The following ADARB2 variants were observed in gnomAD, a reference collection of about 807,000 sequenced individuals.
ADARB2 encodes the protein adenosine deaminase RNA specific B2 (inactive), also known as inactive double-stranded RNA-specific editase B2.
A neutral mutation model predicts 62.2 loss-of-function variants in ADARB2; 25 were observed. The ratio of observed to expected loss-of-function variants is 0.40; its 90% CI spans 0.29 to 0.56. The LOEUF (loss-of-function observed/expected upper bound fraction) is 0.56. Ranked by LOEUF, ADARB2 falls within the 20% of genes least tolerant of loss-of-function variation. The pLI, the probability that ADARB2 is intolerant of heterozygous loss-of-function variation, is 0.43. For missense variants in ADARB2, 1,071 were observed against 1,077.4 expected, an observed-to-expected ratio of 0.99 and a Z score of 0.08; for synonymous variants, 572 against 500.8, an observed-to-expected ratio of 1.14 and a Z score of -1.90.
At chr10:1,376,757 G>A (rs528733279) in intron 2 of ADARB2, among the ~76,000 whole-genome samples, 2 of 151,818 alleles carry the variant, frequency 1.3e-5, no homozygotes, top group African/African-American at 2.4e-5. Flanking sequence ...AGGGAGACCA[G>A]CTCCAGCCGG....
At chr10:1,680,874 C>A (rs989572423) in intron 1 of ADARB2, among the ~76,000 whole-genome samples, 2 of 152,208 alleles carry the variant, frequency 1.3e-5, no homozygotes, top group Non-Finnish European at 2.9e-5. Flanking sequence ...CTTTTATAGT[C>A]TACGAAGGCT....
chr10:1,322,638 T>C (rs1340406361), intron 3 of ADARB2, among the ~76,000 whole-genome samples: 1 of 152,036 alleles, frequency 6.6e-6, no homozygotes, highest in African/African-American at 2.4e-5. Flanking sequence ...AAATGGAAAA[T>C]TGACAGATCA....
chr10:1,231,348 C>T (rs1830802316), intron 6 of ADARB2, among the ~76,000 whole-genome samples: 1 of 152,164 alleles, frequency 6.6e-6, no homozygotes, highest in African/African-American at 2.4e-5. Flanking sequence ...CACAAAATTC[C>T]CAATAGCTGT....
intron 5 of ADARB2, among the ~76,000 whole-genome samples, chr10:1,240,743 C>T (rs1293583137): frequency 6.6e-6 from 1 of 152,246 alleles, no homozygotes; most frequent in Non-Finnish European, 1.5e-5. Context: ...CAGCACCAAG[C>T]ATGTAACCAG....
intron 3 of ADARB2, among the ~76,000 whole-genome samples, chr10:1,324,307 C>G (rs1047316396): frequency 6.6e-6 from 1 of 152,162 alleles, no homozygotes; most frequent in Non-Finnish European, 1.5e-5. Flanking sequence ...AGAGGTGGAA[C>G]AGTGCAGCCA....
chr10:1,221,700 G>A (rs1449968249), intron 6 of ADARB2, among the ~76,000 whole-genome samples: 1 of 152,060 alleles, frequency 6.6e-6, no homozygotes, highest in African/African-American at 2.4e-5. Context: ...AGTTTGCTGA[G>A]AATGATGGTT....
chr10:1,437,224 A>ATG lies in ADARB2; in HGVS notation c.101-58065_101-58064insCA, dbSNP rs1206835624. On this transcript the variant is annotated intron_variant, in intron 1 of 9. Coordinates refer to ENST00000381312, the MANE Select transcript of ADARB2 (RefSeq NM_018702.4). ...TCCAAAAATAATTTGGTATACATAT[A>ATG]TATATATACACACACACACATATAT... Among the ~76,000 whole-genome samples the ATG allele has an allele frequency of 4.1e-5, 6 of 147,866 alleles. No individual in the cohort carries two copies. The South Asian group carries it at 8.7e-4, about 21-fold the overall frequency.
Position 1,665,790 on chromosome 10 carries a change from T to G in ADARB2, c.100+71261A>C, listed in dbSNP as rs114087776. 8.9e-3 allele frequency among the ~76,000 whole-genome samples: 1,359 copies of G among 152,320 alleles called. 36 individuals are homozygous for G. Among genetic ancestry groups the G allele is most frequent in the African/African-American group, 0.031 (1,283 of 41,574 alleles). ...AGATGACACTTCCCTGGGGGCCTTG[T>G]GTCCCCCAGAGAAGGCCTCAGGCCA... On this transcript the variant is annotated intron_variant, in intron 1 of 9. Coordinates refer to ENST00000381312, the MANE Select transcript of ADARB2 (RefSeq NM_018702.4).
intron 1 of ADARB2, among the ~76,000 whole-genome samples, chr10:1,676,921 A>G (rs1834473407): frequency 6.6e-6 from 1 of 152,122 alleles, no homozygotes; most frequent in African/African-American, 2.4e-5. Flanking sequence ...TGTGGAGTGG[A>G]GGGCCCACAC....
intron 1 of ADARB2, among the ~76,000 whole-genome samples, chr10:1,656,353 C>T (rs1198651241): frequency 2.0e-5 from 3 of 152,190 alleles, no homozygotes; most frequent in Non-Finnish European, 2.9e-5. Context: ...CCAGGGTCCA[C>T]GTGTAATTCT....
In ADARB2 at chr10:1,392,737, T is replaced by G. The variant is rs138895323; in HGVS notation, c.101-13577A>C. Among the ~76,000 whole-genome samples, 687 of 152,248 alleles carry G rather than the reference T, an allele frequency of 4.5e-3. 3 individuals carry two copies. The highest frequency in any genetic ancestry group is 0.01 in the Middle Eastern group (3 of 294). ...GTAAAACACGAGAAGGTTTGATTCT[T>G]TTGGTGAATGTTTCCTGGCAATTTC... On this transcript the variant is annotated intron_variant, in intron 1 of 9. Transcript: ENST00000381312.
chr10:1,459,223 C>G (rs116365248), intron 1 of ADARB2, among the ~76,000 whole-genome samples: 2 of 152,172 alleles, frequency 1.3e-5, no homozygotes, highest in African/African-American at 4.8e-5. Flanking sequence ...GACGTACGCA[C>G]GTGTATGTTC....
intron 1 of ADARB2, among the ~76,000 whole-genome samples, chr10:1,528,668 C>G (rs547213012): frequency 6.6e-6 from 1 of 152,162 alleles, no homozygotes; most frequent in Admixed American, 6.5e-5. Context: ...CACTCTTGCC[C>G]GTTGGGTGAG....
At chr10:1,189,777 C>T (rs970760843) in intron 8 of ADARB2, among the ~76,000 whole-genome samples, 4 of 146,772 alleles carry the variant, frequency 2.7e-5, no homozygotes, top group South Asian at 2.3e-4. Flanking sequence ...CCCCAGAACA[C>T]GTGGCGCTAC....
intron 1 of ADARB2, among the ~76,000 whole-genome samples, chr10:1,736,528 A>G (rs886919975): frequency 3.9e-5 from 6 of 152,054 alleles, no homozygotes; most frequent in Non-Finnish European, 7.4e-5. Context: ...TCTCTTTACG[A>G]CCCAATGTTT....
At chr10:1,488,363 T>C (rs1831572026) in intron 1 of ADARB2, among the ~76,000 whole-genome samples, 1 of 152,226 alleles carries the variant, frequency 6.6e-6, no homozygotes, top group Non-Finnish European at 1.5e-5. Context: ...ATGACCTGTG[T>C]CTGGGTTGCT....
intron 1 of ADARB2, among the ~76,000 whole-genome samples, chr10:1,391,923 G>A (rs1832574678): frequency 6.6e-6 from 1 of 151,788 alleles, no homozygotes; most frequent in African/African-American, 2.4e-5. Flanking sequence ...CCACCACCAT[G>A]CCTGGTTAAT....
At position 1,550,849 on chromosome 10, in the gene ADARB2, C is replaced by A. The variant is rs372496176; in HGVS notation, c.101-171689G>T. On this transcript the variant is annotated intron_variant, in intron 1 of 9. Transcript: ENST00000381312. ...GAGTCTCCGCCTAACGGTCCCCGCG[C>A]TTCCCAGGCCGCCGTGCGAGCCCTG... 3.5e-5 allele frequency among the ~76,000 whole-genome samples: 5 copies of A among 143,596 alleles called. No individual in the cohort carries two copies. In the South Asian group the frequency reaches 7.0e-4, roughly 20 times the overall value. 94.2% of individuals were successfully genotyped at this position (143,596 alleles called of 152,430 possible).
In ADARB2 at chr10:1,699,623, C is replaced by G. The variant is rs867403462; in HGVS notation, c.100+37428G>C. On this transcript the variant is annotated intron_variant, in intron 1 of 9. Coordinates refer to ENST00000381312, the MANE Select transcript of ADARB2 (RefSeq NM_018702.4). ...GGGAGACCAGGCGCTCGCCAATACA[C>G]TCAATCCCACTCCACCGGGAGACCA... 8.4e-5 allele frequency among the ~76,000 whole-genome samples: 7 copies of G among 83,454 alleles called. No individual in the cohort carries two copies. The East Asian group carries it at 1.2e-3, about 14-fold the overall frequency. The allele number at this position is 83,454 out of a possible 152,430, so 54.7% of individuals were successfully genotyped here.
Sources: gnomAD v4.1 joint callset for allele counts (sites outside exome capture counted in the v4.1 genomes callset) on GRCh38, gnomAD v4.1.1 for gene constraint, MANE v1.5 for transcripts, NCBI Gene and HGNC (gene_info 2026-07-23, HGNC 2026-07-21) for gene names.